Variants in SDK1 observed in about 807,000 individuals in gnomAD.
SDK1 encodes sidekick cell adhesion molecule 1.
A neutral mutation model predicts 245.5 loss-of-function variants in SDK1; 157 were observed. The ratio of observed to expected loss-of-function variants is 0.64; its 90% CI spans 0.56 to 0.73. The LOEUF is 0.73. Ranked by LOEUF, SDK1 falls within the 30% of genes least tolerant of loss-of-function variation. The pLI is 0.00. For synonymous variants in SDK1, 1,647 were observed against 1,278.5 expected (o/e 1.29, Z -6.15); for missense variants, 3,583 against 3,002.3 (o/e 1.19, Z -4.52).
chr7:4,181,825 A>G (rs957708972), intron 35 of SDK1, among the ~76,000 whole-genome samples: 25 of 152,242 alleles, frequency 1.6e-4, no homozygotes, highest in Admixed American at 1.3e-4. Flanking sequence ...GCTGAGAGTC[A>G]GCAGAGCCGG....
intron 4 of SDK1, among the ~76,000 whole-genome samples, chr7:3,728,979 G>A (rs1475168904): frequency 6.6e-6 from 1 of 152,084 alleles, no homozygotes; most frequent in Non-Finnish European, 1.5e-5. Context: ...AATTATGAAG[G>A]CAACTCGAGG....
At chr7:3,466,773 C>G (rs550706736) in intron 1 of SDK1, among the ~76,000 whole-genome samples, 10 of 151,764 alleles carry the variant, frequency 6.6e-5, no homozygotes, top group African/African-American at 2.2e-4. Flanking sequence ...TCCCCCCACC[C>G]CTTCTCTAAA....
At chr7:3,772,647 T>C (rs1396363885) in intron 4 of SDK1, among the ~76,000 whole-genome samples, 2 of 152,240 alleles carry the variant, frequency 1.3e-5, no homozygotes, top group East Asian at 3.8e-4. Context: ...CAATTGCTTA[T>C]GTATTTACCT....
At chr7:3,912,932 T>C (rs1027446413) in intron 5 of SDK1, among the ~76,000 whole-genome samples, 15 of 152,214 alleles carry the variant, frequency 9.9e-5, no homozygotes, top group African/African-American at 3.6e-4. Flanking sequence ...GTCACAGTTT[T>C]CATGTAAGGG....
intron 4 of SDK1, among the ~76,000 whole-genome samples, chr7:3,652,155 C>G (rs1783031417): frequency 6.6e-6 from 1 of 152,166 alleles, no homozygotes; most frequent in African/African-American, 2.4e-5. Context: ...GTTGAGACAA[C>G]TCTTTGGGCA....
intron 1 of SDK1, among the ~76,000 whole-genome samples, chr7:3,354,843 G>A (rs1780750086): frequency 6.6e-6 from 1 of 152,196 alleles, no homozygotes; most frequent in Admixed American, 6.5e-5. Flanking sequence ...GCTAACCAAG[G>A]AAACGATTGG....
At position 4,245,749 on chromosome 7, in the gene SDK1, G is replaced by C. The variant is rs148198234; in HGVS notation, c.6325G>C (p.Val2109Leu). Reference sequence around the variant, plus strand: ...CATCTGCAACAAGTACAACGGCGCCGTGCTGACCGAGAGCGTGAGCCTCAA... The same window carrying C: ...CATCTGCAACAAGTACAACGGCGCCCTGCTGACCGAGAGCGTGAGCCTCAA... ...EDICNKYNGA[V>L]LTESVSLKEK... Residue 2109 changes from valine to leucine, a missense_variant, in exon 44 of 45, where the codon GTG becomes CTG. Physicochemically the swap from Val to Leu is conservative, Grantham distance 32 (BLOSUM62 1). Coordinates refer to ENST00000404826, the MANE Select transcript of SDK1 (RefSeq NM_152744.4). The C allele has an allele frequency of 6.2e-7, 1 of 1,614,040 alleles. No homozygotes were observed.
At chr7:3,510,071 C>T (rs1583975637) in intron 1 of SDK1, among the ~76,000 whole-genome samples, 1 of 152,126 alleles carries the variant, frequency 6.6e-6, no homozygotes, top group East Asian at 1.9e-4. Flanking sequence ...GGAGGGGGCT[C>T]CCTTATTCTC....
At chr7:3,963,184 G>T (rs964811800) in intron 9 of SDK1, among the ~76,000 whole-genome samples, 1 of 72,470 alleles carries the variant, frequency 1.4e-5, no homozygotes, top group Admixed American at 1.2e-4. Flanking sequence ...GATGTAATCA[G>T]TGGGTACACC....
At chr7:3,844,463 A>C (rs1780228755) in intron 5 of SDK1, among the ~76,000 whole-genome samples, 1 of 152,196 alleles carries the variant, frequency 6.6e-6, no homozygotes, top group African/African-American at 2.4e-5. Context: ...GCTCAGCTGG[A>C]TGGGCCTTGG....
At chr7:4,199,267 G>A (rs545324870) in intron 35 of SDK1, among the ~76,000 whole-genome samples, 7 of 152,250 alleles carry the variant, frequency 4.6e-5, no homozygotes, top group East Asian at 1.9e-4. Flanking sequence ...GTGAGGACCC[G>A]GATCTTCCTG....
intron 5 of SDK1, among the ~76,000 whole-genome samples, chr7:3,827,392 C>G (rs113164199): frequency 2.6e-5 from 4 of 152,266 alleles, no homozygotes; most frequent in African/African-American, 7.2e-5. Flanking sequence ...AGGCTCGTGT[C>G]TTACTCATCC....
At chr7:3,778,405 T>C (rs1053621249) in intron 4 of SDK1, among the ~76,000 whole-genome samples, 10 of 152,240 alleles carry the variant, frequency 6.6e-5, no homozygotes, top group Admixed American at 1.3e-4. Context: ...AAAGCCTCCT[T>C]GAGAAACGCT....
intron 4 of SDK1, among the ~76,000 whole-genome samples, chr7:3,649,814 C>T (rs1056674330): frequency 7.9e-5 from 12 of 152,172 alleles, no homozygotes; most frequent in Non-Finnish European, 1.8e-4. Context: ...AGGTTAATGT[C>T]TGCAAGATGG....
chr7:3,665,950 C>T (rs1411695305), intron 4 of SDK1, among the ~76,000 whole-genome samples: 1 of 152,128 alleles, frequency 6.6e-6, no homozygotes, highest in Non-Finnish European at 1.5e-5. Context: ...CATCTTCCCA[C>T]AATTTCTCGG....
In SDK1 at chr7:3,313,464, AC is replaced by A. The variant is rs146272863; in HGVS notation, c.298+11581del. ...ACAAAGTTGATGATTAGTAGTTGGA[AC>A]TACTAAAAAATGCACTTCAAAAAGA... is the stretch of plus-strand genomic sequence containing the variant. On this transcript the variant is annotated intron_variant, in intron 1 of 44. Coordinates refer to ENST00000404826, the MANE Select transcript of SDK1 (RefSeq NM_152744.4). Among the ~76,000 whole-genome samples the A allele has an allele frequency of 6.5e-3, 983 of 152,322 alleles. 14 individuals are homozygous for A. Among genetic ancestry groups the A allele is most frequent in the African/African-American group, 0.022 (924 of 41,578 alleles).
chr7:3,344,078 A>T (rs747181394), intron 1 of SDK1, among the ~76,000 whole-genome samples: 10 of 152,182 alleles, frequency 6.6e-5, no homozygotes, highest in Non-Finnish European at 1.2e-4. Context: ...AGTTAGATCA[A>T]ACAAAGCAAT....
intron 4 of SDK1, among the ~76,000 whole-genome samples, chr7:3,811,829 C>A (rs929063369): frequency 6.6e-6 from 1 of 152,202 alleles, no homozygotes; most frequent in Non-Finnish European, 1.5e-5. Context: ...GTTATTAATA[C>A]CTTGTAGGCT....
At chr7:4,052,981 G>T (rs1236693558) in intron 19 of SDK1, among the ~76,000 whole-genome samples, 1 of 151,590 alleles carries the variant, frequency 6.6e-6, no homozygotes, top group Non-Finnish European at 1.5e-5. Context: ...CAGCTACTCG[G>T]GAGGCTGAGG....
Sources: gnomAD v4.1 joint callset for allele counts (sites outside exome capture counted in the v4.1 genomes callset) on GRCh38, gnomAD v4.1.1 for gene constraint, MANE v1.5 for transcripts, NCBI Gene and HGNC (gene_info 2026-07-23, HGNC 2026-07-21) for gene names.